Variants in ETV6 observed in about 807,000 individuals in gnomAD.
ETV6 encodes ETS variant transcription factor 6.
Under a neutral mutation model 51.1 loss-of-function variants are expected in ETV6, and 16 were observed. The observed-to-expected ratio is 0.31, with a 90% CI of 0.21 to 0.48. The LOEUF (loss-of-function observed/expected upper bound fraction) is 0.48, where lower values mean the gene tolerates loss of function less well. Ranked by LOEUF, ETV6 falls within the 20% of genes least tolerant of loss-of-function variation. ETV6 has a pLI of 0.99. For missense variants in ETV6, 458 were observed against 594.8 expected (o/e 0.77, Z 2.39); for synonymous variants, 240 against 224.1 (o/e 1.07, Z -0.64).
chr12:11,732,083 C>T (rs1865610285), intron 1 of ETV6, among the ~76,000 whole-genome samples: 1 of 152,212 alleles, frequency 6.6e-6, no homozygotes, highest in South Asian at 2.1e-4. Context: ...TAAATCTAGG[C>T]AGCTACCTTA....
intron 1 of ETV6, among the ~76,000 whole-genome samples, chr12:11,667,175 G>A (rs574501168): frequency 1.4e-4 from 22 of 152,294 alleles, no homozygotes; most frequent in African/African-American, 3.4e-4. Flanking sequence ...TGTCCAGCAC[G>A]GTGCCTGGCA....
intron 4 of ETV6, among the ~76,000 whole-genome samples, chr12:11,856,720 A>G (rs765049967): frequency 1.3e-5 from 2 of 152,354 alleles, no homozygotes; most frequent in South Asian, 2.1e-4. Context: ...CCAGCTCAAC[A>G]TAAATTGTTT....
intron 2 of ETV6, among the ~76,000 whole-genome samples, chr12:11,811,146 T>C (rs1945906653): frequency 6.6e-6 from 1 of 152,200 alleles, no homozygotes; most frequent in Non-Finnish European, 1.5e-5. Context: ...TGCCCGGATA[T>C]TGCTTATAAC....
intron 5 of ETV6, among the ~76,000 whole-genome samples, chr12:11,871,753 G>C (rs934573993): frequency 1.3e-5 from 2 of 152,206 alleles, no homozygotes; most frequent in Non-Finnish European, 2.9e-5. Flanking sequence ...AACAAGGCTA[G>C]CCATCACCAG....
intron 4 of ETV6, among the ~76,000 whole-genome samples, chr12:11,861,754 T>C (rs1019895576): frequency 6.6e-6 from 1 of 152,172 alleles, no homozygotes; most frequent in Non-Finnish European, 1.5e-5. Context: ...AGCCCTCAGT[T>C]AAGGGGTCAT....
At chr12:11,716,223 C>A (rs534209474) in intron 1 of ETV6, among the ~76,000 whole-genome samples, 3 of 145,796 alleles carry the variant, frequency 2.1e-5, no homozygotes, top group Middle Eastern at 3.6e-3. Context: ...CCCAGCTACT[C>A]GGGAGGCTGA....
chr12:11,688,436 C>T (rs1864678826), intron 1 of ETV6, among the ~76,000 whole-genome samples: 1 of 152,152 alleles, frequency 6.6e-6, no homozygotes, highest in Admixed American at 6.5e-5. Flanking sequence ...TCGTGGCTGT[C>T]TAGTGGTTTG....
chr12:11,654,571 G>C (rs764831972), intron 1 of ETV6, among the ~76,000 whole-genome samples: 24 of 151,112 alleles, frequency 1.6e-4, no homozygotes, highest in Non-Finnish European at 2.8e-4. Flanking sequence ...AGGGCACGGG[G>C]GTATGTGCCA....
intron 1 of ETV6, among the ~76,000 whole-genome samples, chr12:11,711,228 AT>A (rs1423959353): frequency 5.3e-5 from 8 of 151,848 alleles, no homozygotes; most frequent in African/African-American, 1.9e-4. Flanking sequence ...TCCCAGCCAT[AT>A]TTCTCCAGGT....
intron 7 of ETV6, among the ~76,000 whole-genome samples, chr12:11,889,161 C>T (rs1188382728): frequency 1.3e-5 from 2 of 152,008 alleles, no homozygotes; most frequent in African/African-American, 2.4e-5. Flanking sequence ...CTTAGAGGGG[C>T]TCTTTATTGA....
intron 3 of ETV6, among the ~76,000 whole-genome samples, chr12:11,851,303 T>A (rs866968196): frequency 6.6e-6 from 1 of 151,894 alleles, no homozygotes; most frequent in Non-Finnish European, 1.5e-5. Context: ...CTATTCCGCA[T>A]ACTACCAAAA....
At chr12:11,740,564 T>C (rs893171735) in intron 1 of ETV6, among the ~76,000 whole-genome samples, 5 of 95,066 alleles carry the variant, frequency 5.3e-5, no homozygotes, top group Non-Finnish European at 1.2e-4. Flanking sequence ...GCCACTGTTC[T>C]CCTAATTCTA....
At chr12:11,877,625 C>A (rs1947011617) in intron 5 of ETV6, among the ~76,000 whole-genome samples, 1 of 152,302 alleles carries the variant, frequency 6.6e-6, no homozygotes, top group East Asian at 1.9e-4. Context: ...CTTCTGTAGA[C>A]CTCTGTAGCC....
At chr12:11,744,963 T>C (rs117864888) in intron 1 of ETV6, among the ~76,000 whole-genome samples, 2,872 of 152,112 alleles carry the variant, frequency 0.019, 51 homozygotes, top group Non-Finnish European at 0.031. Context: ...AGTATCTTAA[T>C]TAAAATGTTT....
chr12:11,854,425 A>G (rs566241137), intron 4 of ETV6, among the ~76,000 whole-genome samples: 3 of 152,336 alleles, frequency 2.0e-5, no homozygotes, highest in East Asian at 3.9e-4. Flanking sequence ...GAAATCCAGC[A>G]GGATTCTGAT....
intron 1 of ETV6, among the ~76,000 whole-genome samples, chr12:11,671,879 C>T (rs928516689): frequency 5.3e-5 from 8 of 151,612 alleles, no homozygotes; most frequent in African/African-American, 1.9e-4. Flanking sequence ...GTGTGAAAAA[C>T]TCAACCAGGT....
intron 1 of ETV6, among the ~76,000 whole-genome samples, chr12:11,666,658 A>G (rs1226290598): frequency 6.6e-6 from 1 of 152,140 alleles, no homozygotes; most frequent in East Asian, 1.9e-4. Flanking sequence ...TTTTCTCCCT[A>G]TTTCTGTTGC....
intron 1 of ETV6, among the ~76,000 whole-genome samples, chr12:11,746,516 A>G (rs1219795140): frequency 2.6e-5 from 4 of 152,184 alleles, no homozygotes; most frequent in Admixed American, 6.5e-5. Context: ...TCCAGCTACA[A>G]TTGTGACACG....
chr12:11,668,727 A>G (rs2120682041), intron 1 of ETV6, among the ~76,000 whole-genome samples: 1 of 152,372 alleles, frequency 6.6e-6, no homozygotes, highest in East Asian at 1.9e-4. Flanking sequence ...AGTTGAGATC[A>G]GGAAGAAATT....
Sources: allele counts gnomAD v4.1 joint callset (sites outside exome capture counted in the v4.1 genomes callset), GRCh38; gene constraint gnomAD v4.1.1; transcripts MANE v1.5; gene names NCBI Gene and HGNC (gene_info 2026-07-23, HGNC 2026-07-21).